IMPG2: variants seen among roughly 807,000 people sequenced by gnomAD.
The protein encoded by IMPG2 is interphotoreceptor matrix proteoglycan 2.
IMPG2 carries 91 observed loss-of-function variants against 129.2 expected under a neutral mutation model. That is an observed-to-expected ratio of 0.70 (90% CI 0.59 to 0.84). The LOEUF (loss-of-function observed/expected upper bound fraction) is 0.84. Ranked by LOEUF, IMPG2 falls within the 40% of genes least tolerant of loss-of-function variation. The probability of loss-of-function intolerance (pLI) is 0.00; values close to 1 mark genes in which losing one functional copy is unlikely to be tolerated. For missense variants in IMPG2, 1,430 were observed against 1,461.7 expected, an observed-to-expected ratio of 0.98 and a Z score of 0.35; for synonymous variants, 510 against 517.7, an observed-to-expected ratio of 0.99 and a Z score of 0.20.
intron 6 of IMPG2, among the ~76,000 whole-genome samples, chr3:101,275,362 G>C (rs1706829744): frequency 6.6e-6 from 1 of 152,094 alleles, no homozygotes; most frequent in African/African-American, 2.4e-5. Flanking sequence ...GAAGAACATA[G>C]GCAAAACCAC....
chr3:101,293,901 G>A (rs1015956512), intron 3 of IMPG2, among the ~76,000 whole-genome samples: 1 of 152,138 alleles, frequency 6.6e-6, no homozygotes, highest in Non-Finnish European at 1.5e-5. Context: ...AGCCTTCATA[G>A]AATTGAAAAG....
chr3:101,286,596 C>A (rs187787092), intron 4 of IMPG2, among the ~76,000 whole-genome samples: 4 of 152,242 alleles, frequency 2.6e-5, no homozygotes, highest in Admixed American at 6.5e-5. Flanking sequence ...AATTATACTG[C>A]CTCAACATTT....
intron 2 of IMPG2, among the ~76,000 whole-genome samples, chr3:101,306,987 A>C (rs754692770): frequency 1.4e-4 from 21 of 152,236 alleles, no homozygotes; most frequent in African/African-American, 3.9e-4. Context: ...CCAAATACAT[A>C]TATCTGCCAA....
chr3:101,309,589 A>T (rs1353307688), intron 2 of IMPG2, among the ~76,000 whole-genome samples: 1 of 151,734 alleles, frequency 6.6e-6, no homozygotes, highest in Non-Finnish European at 1.5e-5. Context: ...TGGGGGAACC[A>T]CCCCCCATGA....
At chr3:101,286,518 T>C (rs927030873) in intron 4 of IMPG2, among the ~76,000 whole-genome samples, 3 of 152,140 alleles carry the variant, frequency 2.0e-5, no homozygotes, top group Non-Finnish European at 4.4e-5. Context: ...AAGTCTCATC[T>C]CTCTTCCCCT....
intron 8 of IMPG2, among the ~76,000 whole-genome samples, chr3:101,268,142 A>G (rs1323511722): frequency 6.6e-6 from 1 of 152,212 alleles, no homozygotes; most frequent in Admixed American, 6.5e-5. Context: ...TGCTGATGGC[A>G]TTTCAAAAGC....
At position 101,226,789 on chromosome 3, in the gene IMPG2, A is replaced by C. The variant is rs193277987; in HGVS notation, c.*180T>G. On this transcript the variant is annotated 3_prime_UTR_variant, in exon 19 of 19. Coordinates refer to ENST00000193391, the MANE Select transcript of IMPG2 (RefSeq NM_016247.4). ...TCTTTATAGAAATAAAAATGGTAAC[A>C]TCTCTTACTACATTCTGAAAACTTA... is the stretch of plus-strand genomic sequence containing the variant. The C allele has an allele frequency of 2.1e-3, 1,293 of 616,020 alleles. 2 individuals carry two copies. The highest frequency in any genetic ancestry group is 2.6e-3 in the Non-Finnish European group (914 of 347,670). The allele number at this position is 616,020 out of a possible 1,614,324, so 38.2% of individuals were successfully genotyped here.
intron 7 of IMPG2, 21 bp downstream of exon 7, chr3:101,273,560 G>GTT: frequency 2.9e-6 from 4 of 1,366,290 alleles, no homozygotes; most frequent in Non-Finnish European, 4.1e-6. Context: ...TGCCTTGTTT[G>GTT]TTTTTTTTTT....
chr3:101,297,322 T>G (rs1242087669), intron 3 of IMPG2, among the ~76,000 whole-genome samples: 1 of 152,192 alleles, frequency 6.6e-6, no homozygotes, highest in African/African-American at 2.4e-5. Context: ...GTCAATCTAT[T>G]TTGTAAATTT....
chr3:101,274,954 C>T (rs1006572631), intron 6 of IMPG2, among the ~76,000 whole-genome samples: 5 of 151,914 alleles, frequency 3.3e-5, no homozygotes. Flanking sequence ...AGTGGAGCGA[C>T]TTAACCTGAT....
chr3:101,269,871 G>A (rs1423708803), intron 7 of IMPG2, among the ~76,000 whole-genome samples: 1 of 145,560 alleles, frequency 6.9e-6, no homozygotes, highest in Non-Finnish European at 1.5e-5. Flanking sequence ...GTGATGAAAT[G>A]TGAAAAAAAA....
At chr3:101,302,543 C>T (rs1707149931) in intron 3 of IMPG2, among the ~76,000 whole-genome samples, 1 of 152,110 alleles carries the variant, frequency 6.6e-6, no homozygotes, top group East Asian at 1.9e-4. Flanking sequence ...TGGATTTAAG[C>T]TCCATCATAT....
At position 101,253,784 on chromosome 3, in the gene IMPG2, G is replaced by A. The variant is rs369437104; in HGVS notation, c.1154-3C>T. 124 of 1,602,812 alleles carry A rather than the reference G, an allele frequency of 7.7e-5. No homozygotes were observed. Among genetic ancestry groups the A allele is most frequent in the Non-Finnish European group, 9.9e-5 (116 of 1,172,092 alleles). On this transcript the variant is annotated splice_region_variant and splice_polypyrimidine_tract_variant and intron_variant, in intron 10 of 18. Coordinates refer to ENST00000193391, the MANE Select transcript of IMPG2 (RefSeq NM_016247.4). The stretch of plus-strand genomic sequence containing the variant: ...TTGGTGACGCAAAACTCCTCTCACT[G>A]AGGAAAGAACAATATTAAAGAACAT...
intron 14 of IMPG2, among the ~76,000 whole-genome samples, chr3:101,238,491 G>T (rs1706371375): frequency 6.6e-6 from 1 of 152,142 alleles, no homozygotes; most frequent in South Asian, 2.1e-4. Flanking sequence ...TACCCACAAA[G>T]GGAAACCCAT....
At chr3:101,247,262 T>C (rs1468455390) in intron 11 of IMPG2, among the ~76,000 whole-genome samples, 2 of 152,046 alleles carry the variant, frequency 1.3e-5, no homozygotes, top group African/African-American at 4.8e-5. Flanking sequence ...GTATGAAAAC[T>C]GAAAAAGGAA....
At chr3:101,316,734 CTAT>C (rs1176166109) in intron 2 of IMPG2, among the ~76,000 whole-genome samples, 11 of 152,184 alleles carry the variant, frequency 7.2e-5, no homozygotes, top group African/African-American at 2.2e-4. Context: ...AGACGTTCCA[CTAT>C]TATTACTCAA....
At chr3:101,239,389 C>T (rs1706381750) in intron 14 of IMPG2, among the ~76,000 whole-genome samples, 1 of 152,130 alleles carries the variant, frequency 6.6e-6, no homozygotes, top group East Asian at 1.9e-4. Flanking sequence ...AATGAGATAC[C>T]ATCTCAAGCC....
In IMPG2 at chr3:101,243,785, T is replaced by A; in HGVS notation, c.2546A>T (p.Tyr849Phe). The change falls in exon 13 of 19, where the codon TAC becomes TTC. Residue 849 changes from tyrosine to phenylalanine, a missense_variant. Transcript: ENST00000193391. ...CTCTTGGACTTGCTCAGGCTGATAG[T>A]AATCTGTGCCTATCCGGTCCAGTTC... ...SLELDRIGTD[Y>F]YQPEQVQEQN... is the part of the protein sequence containing the mutation. The A allele has an allele frequency of 6.2e-7, 1 of 1,614,082 alleles. No individual in the cohort carries two copies. Among genetic ancestry groups the A allele is most frequent in the Non-Finnish European group, 8.5e-7 (1 of 1,179,948 alleles).
At chr3:101,254,271 A>T (rs1706575731) in intron 10 of IMPG2, among the ~76,000 whole-genome samples, 2 of 152,158 alleles carry the variant, frequency 1.3e-5, no homozygotes, top group African/African-American at 4.8e-5. Flanking sequence ...AGAGCAACAT[A>T]GAGAGTAGAT....
Sources: allele counts gnomAD v4.1 joint callset (sites outside exome capture counted in the v4.1 genomes callset), GRCh38; gene constraint gnomAD v4.1.1; transcripts MANE v1.5; gene names NCBI Gene and HGNC (gene_info 2026-07-23, HGNC 2026-07-21).